PLCH1: variants seen among roughly 807,000 people sequenced by gnomAD.
PLCH1 encodes 1-phosphatidylinositol 4,5-bisphosphate phosphodiesterase eta-1.
A neutral mutation model predicts 126.7 loss-of-function variants in PLCH1; 60 were observed. The ratio of observed to expected loss-of-function variants is 0.47; its 90% CI spans 0.38 to 0.59. The LOEUF (loss-of-function observed/expected upper bound fraction) is 0.59. PLCH1 is among the 20% of genes least tolerant of loss of function. PLCH1 has a pLI of 0.00. For synonymous variants in PLCH1, 719 were observed against 734.9 expected, an observed-to-expected ratio of 0.98 and a Z score of 0.35; for missense variants, 1,723 against 2,040.0, an observed-to-expected ratio of 0.84 and a Z score of 2.99.
chr3:155,672,654 T>C (rs1210183922), intron 2 of PLCH1, among the ~76,000 whole-genome samples: 4 of 152,312 alleles, frequency 2.6e-5, no homozygotes, highest in Admixed American at 2.0e-4. Flanking sequence ...TTCTGTCTAG[T>C]GGACAAGAGG....
At chr3:155,703,962 A>T (rs1275470783) in intron 2 of PLCH1, among the ~76,000 whole-genome samples, 184 bp downstream of exon 2, 1 of 152,216 alleles carries the variant, frequency 6.6e-6, no homozygotes, top group Non-Finnish European at 1.5e-5. Context: ...GGTGGGGCCC[A>T]TTCCTTACAA....
intron 2 of PLCH1, among the ~76,000 whole-genome samples, chr3:155,628,726 C>T (rs1218460956): frequency 6.6e-6 from 1 of 152,012 alleles, no homozygotes; most frequent in Non-Finnish European, 1.5e-5. Flanking sequence ...TTCTCTTCTA[C>T]AATAGGCTTG....
chr3:155,460,609 C>T (rs1447513916), intron 21 of PLCH1, among the ~76,000 whole-genome samples: 2 of 152,106 alleles, frequency 1.3e-5, no homozygotes, highest in Admixed American at 1.3e-4. Context: ...GATAGTTAAT[C>T]AGAAGCAATA....
At chr3:155,635,958 T>C (rs1393749723) in intron 2 of PLCH1, among the ~76,000 whole-genome samples, 2 of 152,258 alleles carry the variant, frequency 1.3e-5, no homozygotes, top group Non-Finnish European at 2.9e-5. Flanking sequence ...GAATAATTCA[T>C]TGAAAATCCA....
intron 10 of PLCH1, among the ~76,000 whole-genome samples, chr3:155,531,829 C>G (rs1035449276): frequency 1.3e-5 from 2 of 152,184 alleles, no homozygotes; most frequent in Non-Finnish European, 2.9e-5. Context: ...TTCCTCACCT[C>G]TCTCAGCCTT....
intron 2 of PLCH1, among the ~76,000 whole-genome samples, chr3:155,645,627 C>A (rs892745090): frequency 6.6e-6 from 1 of 152,070 alleles, no homozygotes; most frequent in Admixed American, 6.5e-5. Flanking sequence ...ACTACAGGCA[C>A]ATGCCACCAT....
chr3:155,528,606 A>C (rs629698), intron 10 of PLCH1, among the ~76,000 whole-genome samples: 139,225 of 152,226 alleles, frequency 0.91, 64,299 homozygotes, highest in Middle Eastern at 0.98. Context: ...CATAAAATAG[A>C]ATAAAAACCA....
chr3:155,544,936 G>A (rs1724991493), intron 10 of PLCH1, among the ~76,000 whole-genome samples: 1 of 150,512 alleles, frequency 6.6e-6, no homozygotes, highest in African/African-American at 2.5e-5. Context: ...GAGAAAGCAG[G>A]AAAGATCCAA....
At chr3:155,693,023 C>G (rs1745520933) in intron 2 of PLCH1, among the ~76,000 whole-genome samples, 1 of 151,914 alleles carries the variant, frequency 6.6e-6, no homozygotes, top group South Asian at 2.1e-4. Flanking sequence ...ACCTCGTGAT[C>G]TGCCCGCCTC....
chr3:155,467,268 A>T (rs1055326632), intron 21 of PLCH1, among the ~76,000 whole-genome samples: 4 of 151,970 alleles, frequency 2.6e-5, no homozygotes, highest in Non-Finnish European at 5.9e-5. Context: ...AAAAAAAAAT[A>T]AAAAAGATAA....
intron 9 of PLCH1, among the ~76,000 whole-genome samples, chr3:155,551,251 C>G (rs1158264801): frequency 1.3e-5 from 2 of 151,906 alleles, no homozygotes; most frequent in Admixed American, 1.3e-4. Context: ...TCGAGACCAG[C>G]CTGGGCAATA....
chr3:155,523,569 A>G (rs1277034609), intron 11 of PLCH1, among the ~76,000 whole-genome samples: 1 of 152,214 alleles, frequency 6.6e-6, no homozygotes, highest in East Asian at 1.9e-4. Flanking sequence ...CAATGCTAAA[A>G]GTAAAGCCAG....
At chr3:155,512,684 A>G (rs556998295) in intron 12 of PLCH1, among the ~76,000 whole-genome samples, 8 of 152,324 alleles carry the variant, frequency 5.3e-5, no homozygotes, top group African/African-American at 1.9e-4. Context: ...ACTCCTACAC[A>G]TGCACACTCT....
At position 155,480,982 on chromosome 3, in the gene PLCH1, G is replaced by T. The variant is rs1412087227; in HGVS notation, c.5044C>A (p.Leu1682Ile). The T allele has an allele frequency of 1.3e-6, 2 of 1,583,808 alleles. No homozygotes were observed. Among genetic ancestry groups the T allele is most frequent in the Non-Finnish European group, 1.7e-6 (2 of 1,159,944 alleles). ...SSDDKPEIYF[L>I]LRL is the part of the protein sequence containing the mutation. Reference sequence around the variant, plus strand: ...TTTTAAATAATTCACAGTCTCAAAAGAAAATAAATTTCTGGTTTATCATCA... The same window carrying T: ...TTTTAAATAATTCACAGTCTCAAAATAAAATAAATTTCTGGTTTATCATCA... The change falls in exon 23 of 23, where the codon CTT becomes ATT. Residue 1682 changes from leucine to isoleucine, a missense_variant. Physicochemically the swap from Leu to Ile is conservative, Grantham distance 5. Coordinates refer to ENST00000460012, the MANE Select transcript of PLCH1 (RefSeq NM_014996.4).
At chr3:155,739,038 A>C (rs1749431078) in intron 1 of PLCH1, among the ~76,000 whole-genome samples, 1 of 152,208 alleles carries the variant, frequency 6.6e-6, no homozygotes, top group Admixed American at 6.5e-5. Flanking sequence ...TCCTGAGCCC[A>C]GTTTCTTTAT....
At chr3:155,647,936 T>A (rs1382863634) in intron 2 of PLCH1, among the ~76,000 whole-genome samples, 2 of 152,152 alleles carry the variant, frequency 1.3e-5, no homozygotes, top group Admixed American at 6.5e-5. Context: ...CTGCCCCCAC[T>A]ATATGCAGTA....
chr3:155,509,212 AT>A (rs1313891322), intron 12 of PLCH1, among the ~76,000 whole-genome samples: 1 of 132,868 alleles, frequency 7.5e-6, no homozygotes, highest in Non-Finnish European at 1.5e-5. Flanking sequence ...CCCCTTTATC[AT>A]TTTTTATTGT....
intron 1 of PLCH1, among the ~76,000 whole-genome samples, chr3:155,733,428 C>T (rs1370307401): frequency 6.6e-6 from 1 of 152,088 alleles, no homozygotes; most frequent in African/African-American, 2.4e-5. Context: ...CCCTTGTGGT[C>T]AATTGATTTT....
rs1196901749 is a variant in PLCH1 at position 155,725,227 on chromosome 3, C to T, written c.-41+19613G>A. The stretch of plus-strand genomic sequence containing the variant: ...AGAAATCTACTGTTAATCTGATAGG[C>T]TTTTCTTTATAGGCTACCTGAAGAT... On this transcript the variant is annotated intron_variant, in intron 1 of 22. Coordinates refer to ENST00000460012, the MANE Select transcript of PLCH1 (RefSeq NM_014996.4). Among the ~76,000 whole-genome samples, 7 of 152,196 alleles carry T rather than the reference C, an allele frequency of 4.6e-5. No homozygotes were observed. The East Asian group carries it at 1.4e-3, about 29-fold the overall frequency.
Sources: allele counts gnomAD v4.1 joint callset (sites outside exome capture counted in the v4.1 genomes callset), GRCh38; gene constraint gnomAD v4.1.1; transcripts MANE v1.5; gene names NCBI Gene and HGNC (gene_info 2026-07-23, HGNC 2026-07-21).